The following ADAMTS9 variants were observed in gnomAD, a reference collection of about 807,000 sequenced individuals.
The protein encoded by ADAMTS9 is ADAM metallopeptidase with thrombospondin type 1 motif 9.
In ADAMTS9, 107 loss-of-function variants were observed where a neutral mutation model predicts 257.1. The ratio of observed to expected loss-of-function variants is 0.42; its 90% CI spans 0.36 to 0.49. ADAMTS9 has a LOEUF of 0.49. Among genes scored for constraint, ADAMTS9 ranks in the 20% least tolerant of loss-of-function variants. The probability of loss-of-function intolerance (pLI) is 0.03; values close to 1 mark genes in which losing one functional copy is unlikely to be tolerated. For missense variants in ADAMTS9, 2,353 were observed against 2,469.1 expected, an observed-to-expected ratio of 0.95 and a Z score of 1.00; for synonymous variants, 982 against 880.9, an observed-to-expected ratio of 1.11 and a Z score of -2.03.
At position 64,687,912 on chromosome 3, in the gene ADAMTS9, T is replaced by G; in HGVS notation, c.-255A>C. Reference sequence around the variant, plus strand: ...GGAGGAGCAGGAGGAGGAGGAGGACTGGGGCTCGGCTGCTTGGCCGCATAA... The same window carrying G: ...GGAGGAGCAGGAGGAGGAGGAGGACGGGGGCTCGGCTGCTTGGCCGCATAA... On this transcript the variant is annotated 5_prime_UTR_variant, in exon 1 of 40. Coordinates refer to ENST00000498707, the MANE Select transcript of ADAMTS9 (RefSeq NM_182920.2). The surrounding 1 kb of genome is among the most constrained non-coding windows in gnomAD (Gnocchi z 4.4). 5.8e-6 allele frequency: 2 copies of G among 347,670 alleles called. No individual in the cohort carries two copies. Among genetic ancestry groups the G allele is most frequent in the Non-Finnish European group, 1.0e-5 (2 of 191,334 alleles). 21.5% of individuals were successfully genotyped at this position (347,670 alleles called of 1,614,324 possible). A position where few individuals can be genotyped will look rare whatever the true frequency, so the allele number is the denominator to read the frequency against.
intron 3 of ADAMTS9, among the ~76,000 whole-genome samples, chr3:64,678,658 C>T (rs2107039861): frequency 6.6e-6 from 1 of 152,262 alleles, no homozygotes; most frequent in Non-Finnish European, 1.5e-5. Context: ...GCTAGGCAGC[C>T]CCTTTTCTCT....
intron 28 of ADAMTS9, among the ~76,000 whole-genome samples, chr3:64,590,852 A>G (rs567345897): frequency 7.2e-5 from 11 of 152,278 alleles, no homozygotes; most frequent in Admixed American, 5.2e-4. Context: ...TCTCCTAAGG[A>G]GAAGCACAGT....
chr3:64,605,256 G>A (rs765430150), intron 23 of ADAMTS9, among the ~76,000 whole-genome samples: 1 of 152,138 alleles, frequency 6.6e-6, no homozygotes, highest in Non-Finnish European at 1.5e-5. Flanking sequence ...GGATATAATA[G>A]AATAACTTAA....
chr3:64,595,407 T>C (rs1241032460), intron 27 of ADAMTS9, among the ~76,000 whole-genome samples: 1 of 152,200 alleles, frequency 6.6e-6, no homozygotes, highest in Non-Finnish European at 1.5e-5. Context: ...CCAGCAACAC[T>C]GACATTTGGT....
rs1030626571 is a variant in ADAMTS9, at chr3:64,687,520, C to T, written c.115+23G>A. 2.6e-6 allele frequency: 4 copies of T among 1,510,210 alleles called. No homozygotes were observed. The African/African-American group carries it at 4.2e-5, about 16-fold the overall frequency. The allele number at this position is 1,510,210 out of a possible 1,614,324, so 93.6% of individuals were successfully genotyped here. A position where few individuals can be genotyped will look rare whatever the true frequency, so the allele number is the denominator to read the frequency against. ...GAGGCGGCGTCGGGGCCGGCGGGGT[C>T]CCGGGGGCCGGAGCCTGGTTACCTT... On this transcript the variant is annotated intron_variant, in intron 1 of 39. Transcript: ENST00000498707. This position sits in a 1 kb window ranked among gnomAD's most constrained non-coding sequence, Gnocchi z 4.4.
chr3:64,530,030 C>T (rs2082957763), intron 38 of ADAMTS9, among the ~76,000 whole-genome samples: 1 of 119,970 alleles, frequency 8.3e-6, no homozygotes, highest in Non-Finnish European at 1.6e-5. Flanking sequence ...CCCTGTGTTG[C>T]CCAAGCTGGT....
intron 3 of ADAMTS9, among the ~76,000 whole-genome samples, chr3:64,660,754 C>T (rs1189075140): frequency 2.6e-5 from 4 of 151,660 alleles, no homozygotes; most frequent in Non-Finnish European, 5.9e-5. Flanking sequence ...CGTATTAAGC[C>T]AAAAAGAAGC....
chr3:64,564,685 C>G (rs776630426), intron 29 of ADAMTS9, among the ~76,000 whole-genome samples: 18 of 151,990 alleles, frequency 1.2e-4, no homozygotes, highest in Non-Finnish European at 1.3e-4. Context: ...CTACCAGATG[C>G]TAGTTCCCCC....
intron 30 of ADAMTS9, among the ~76,000 whole-genome samples, chr3:64,559,766 A>C (rs181008706): frequency 6.6e-4 from 100 of 152,364 alleles, no homozygotes; most frequent in African/African-American, 2.3e-3. Context: ...GGGATGCAAA[A>C]GGAATTGTAA....
In ADAMTS9 at chr3:64,687,435, T is replaced by G; in HGVS notation, c.115+108A>C. ...AGGCTGCAAAGCGGGAGATAATTCT[T>G]TCTAGGAAAAGGAGAGAAGCCTCCG... On this transcript the variant is annotated intron_variant, in intron 1 of 39. Coordinates refer to ENST00000498707, the MANE Select transcript of ADAMTS9 (RefSeq NM_182920.2). The surrounding 1 kb of genome is among the most constrained non-coding windows in gnomAD (Gnocchi z 4.4). 2.2e-6 allele frequency: 2 copies of G among 915,992 alleles called. No homozygotes were observed. Among genetic ancestry groups the G allele is most frequent in the Non-Finnish European group, 3.2e-6 (2 of 629,686 alleles). The allele number at this position is 915,992 out of a possible 1,614,324, so 56.7% of individuals were successfully genotyped here.
At position 64,654,328 on chromosome 3, in the gene ADAMTS9, A is replaced by C. The variant is rs766272130; in HGVS notation, c.1316+25T>G. 1.9e-6 allele frequency: 3 copies of C among 1,600,566 alleles called. No individual in the cohort carries two copies. In the South Asian group the frequency reaches 3.4e-5, roughly 18 times the overall value. On this transcript the variant is annotated intron_variant, in intron 8 of 39. Transcript: ENST00000498707. ...AAAGGTTTAGGTCACTCCAAATTAA[A>C]TGAAATTACTGAAAGGTAACTCACA...
chr3:64,541,048 T>G lies in ADAMTS9; in HGVS notation c.5521+47A>C, dbSNP rs778765286. 2.5e-6 allele frequency: 4 copies of G among 1,608,098 alleles called. No individual in the cohort carries two copies. In the African/African-American group the frequency reaches 4.0e-5, roughly 16 times the overall value. ...GTGCAAGACATGCTTGCTGTCTGAA[T>G]GGAGAGAAGAACGCACACGTTCCCA... On this transcript the variant is annotated intron_variant, in intron 36 of 39. Transcript: ENST00000498707.
At position 64,544,307 on chromosome 3, in the gene ADAMTS9, G is replaced by A. The variant is rs187634140; in HGVS notation, c.5065-2337C>T. On this transcript the variant is annotated intron_variant, in intron 32 of 39. Transcript: ENST00000498707. ...ACCAAAAAAGAGCCTGCATTGCCAC[G>A]ACAATCCTAAGCCGAAAGAACAAAG... Among the ~76,000 whole-genome samples, 343 of 152,232 alleles carry A rather than the reference G, an allele frequency of 2.3e-3. 1 individual carries two copies. Among genetic ancestry groups the A allele is most frequent in the African/African-American group, 7.2e-3 (299 of 41,528 alleles).
At chr3:64,580,499 C>T (rs2083971582) in intron 28 of ADAMTS9, among the ~76,000 whole-genome samples, 1 of 152,106 alleles carries the variant, frequency 6.6e-6, no homozygotes, top group Admixed American at 6.6e-5. Context: ...CAGGCCGTGT[C>T]CAGAAAGACC....
At chr3:64,633,417 A>G (rs1700416605) in intron 14 of ADAMTS9, 55 bp downstream of exon 14, 1 of 1,605,026 alleles carries the variant, frequency 6.2e-7, no homozygotes, top group Non-Finnish European at 8.5e-7. Context: ...GGAAGCCACA[A>G]ATCACAGGTT....
intron 28 of ADAMTS9, 151 bp from the exon 29 acceptor site, chr3:64,568,686 TA>T (rs2083602531): frequency 1.2e-6 from 1 of 859,606 alleles, no homozygotes; most frequent in Admixed American, 3.0e-5. Context: ...TCTCAAGGCT[TA>T]ATAGGGAAGG....
At chr3:64,656,646 A>C (rs1349263205) in intron 4 of ADAMTS9, among the ~76,000 whole-genome samples, 1 of 152,090 alleles carries the variant, frequency 6.6e-6, no homozygotes, top group Non-Finnish European at 1.5e-5. Flanking sequence ...AGAGAACTGA[A>C]ATTAAGAGGT....
chr3:64,580,495 G>A (rs527348851), intron 28 of ADAMTS9, among the ~76,000 whole-genome samples: 12 of 152,122 alleles, frequency 7.9e-5, no homozygotes, highest in East Asian at 7.7e-4. Context: ...GGATCAGGCC[G>A]TGTCCAGAAA....
At chr3:64,529,203 C>T (rs1463544693) in intron 38 of ADAMTS9, among the ~76,000 whole-genome samples, 3 of 152,174 alleles carry the variant, frequency 2.0e-5, no homozygotes, top group Non-Finnish European at 4.4e-5. Flanking sequence ...TAGGTTAAAA[C>T]CAGAGAAAGA....
Sources: allele counts gnomAD v4.1 joint callset (sites outside exome capture counted in the v4.1 genomes callset), GRCh38; gene constraint gnomAD v4.1.1; non-coding constraint Gnocchi (gnomAD v3.1); transcripts MANE v1.5; gene names NCBI Gene and HGNC (gene_info 2026-07-23, HGNC 2026-07-21).